Variants in MYO15A observed in about 807,000 individuals in gnomAD.
The protein encoded by MYO15A is unconventional myosin-XV.
Under a neutral mutation model 394.6 loss-of-function variants are expected in MYO15A, and 308 were observed. The ratio of observed to expected loss-of-function variants is 0.78; its 90% confidence interval spans 0.71 to 0.86. The LOEUF (loss-of-function observed/expected upper bound fraction) is 0.86. Among genes scored for constraint, MYO15A ranks in the 40% least tolerant of loss-of-function variants. The pLI, the probability that MYO15A is intolerant of heterozygous loss-of-function variation, is 0.00. For missense variants in MYO15A, 4,606 were observed against 4,799.1 expected (o/e 0.96, Z 1.19); for synonymous variants, 1,957 against 2,003.8 (o/e 0.98, Z 0.62).
At chr17:18,158,415 G>T in intron 51 of MYO15A, 108 bp from the exon 52 acceptor site, 2 of 954,956 alleles carry the variant, frequency 2.1e-6, no homozygotes, top group Non-Finnish European at 1.6e-6. Context: ...TGGGTGGGCG[G>T]CTTGAGAATC....
Position 18,120,268 on chromosome 17 carries a change from AAGG to A in MYO15A, c.1471_1473del (p.Glu491del). The A allele has an allele frequency of 6.2e-7, 1 of 1,611,840 alleles. No homozygotes were observed. Among genetic ancestry groups the A allele is most frequent in the South Asian group, 1.1e-5 (1 of 91,080 alleles). On this transcript the variant is annotated inframe_deletion, in exon 2 of 66. Coordinates refer to ENST00000647165, the MANE Select transcript of MYO15A (RefSeq NM_016239.4). Reference sequence around the variant, plus strand: ...GCGACCCCAGGTGAAGCTGTTTGGGAAGGAGAAGCTGGAGGTGCCCCTGCCACC... The same window carrying A: ...GCGACCCCAGGTGAAGCTGTTTGGGAAGAAGCTGGAGGTGCCCCTGCCACC...
rs754948935 is a variant in MYO15A, at chr17:18,148,034, T to C, written c.6515T>C (p.Val2172Ala). The C allele has an allele frequency of 3.1e-6, 5 of 1,614,110 alleles. No individual in the cohort carries two copies. The highest frequency in any genetic ancestry group is 4.2e-6 in the Non-Finnish European group (5 of 1,180,030). The change falls in exon 31 of 66, where the codon GTG becomes GCG. Residue 2172 changes from valine (V) to alanine (A), a missense_variant. Physicochemically the swap from Val to Ala is moderately conservative, Grantham distance 64. Coordinates refer to ENST00000647165, the MANE Select transcript of MYO15A (RefSeq NM_016239.4). This position sits in a 1 kb window ranked among gnomAD's most constrained non-coding sequence, Gnocchi z 4.8. ...CTCCAACTCCTACCCATCAGGTTTGTGTCTGATTATGGGCGGAATGGCTTC... is the reference window on the plus strand; with the variant it reads ...CTCCAACTCCTACCCATCAGGTTTGCGTCTGATTATGGGCGGAATGGCTTC... ...PCFNKYLLKF[V>A]SDYGRNGFQA...
At chr17:18,129,963 T>C (rs2046122476) in intron 7 of MYO15A, among the ~76,000 whole-genome samples, 1 of 152,222 alleles carries the variant, frequency 6.6e-6, no homozygotes, top group Non-Finnish European at 1.5e-5. Flanking sequence ...CACTGCAATG[T>C]CTGCCTCCCA....
chr17:18,163,778 A>T lies in MYO15A; in HGVS notation c.9727A>T (p.Met3243Leu). The change falls in exon 60 of 66, where the codon ATG (methionine) becomes TTG (leucine). Residue 3243 changes from methionine to leucine, a missense_variant. By Grantham distance (15) the Met-to-Leu change is conservative (BLOSUM62 2). Transcript: ENST00000647165. The stretch of plus-strand genomic sequence containing the variant: ...CGTGGTGGAAGAGATATGTGCTGAG[A>T]TGGCTCTGACACGCCCTGAGGCCTT... ...LDVVEEICAE[M>L]ALTRPEAFNE... The T allele has an allele frequency of 6.2e-7, 1 of 1,614,012 alleles. No individual in the cohort carries two copies. Among genetic ancestry groups the T allele is most frequent in the Non-Finnish European group, 8.5e-7 (1 of 1,179,954 alleles).
intron 51 of MYO15A, chr17:18,158,191 G>A: frequency 3.4e-6 from 2 of 587,952 alleles, no homozygotes; most frequent in African/African-American, 1.9e-5. Flanking sequence ...GCCAGTTGGT[G>A]AAGTCTACTG....
chr17:18,167,605 C>T lies in MYO15A; in HGVS notation c.9964C>T (p.Leu3322=). 6.2e-7 allele frequency: 1 copy of T among 1,603,016 alleles called. No individual in the cohort carries two copies. The highest frequency in any genetic ancestry group is 8.5e-7 in the Non-Finnish European group (1 of 1,179,930). The change falls in exon 62 of 66, where the codon CTG becomes TTG. Residue 3322 remains leucine (L), a synonymous_variant. Transcript: ENST00000647165. ...CTCCCTGCAGGTCCTGCCTGACTAC[C>T]TGAAGGGACTCTTCAGCAGTGTGCC... ...MHYNQVLPDY[L]KGLFSSVPAS... is the part of the protein sequence containing the mutation.
intron 65 of MYO15A, 28 bp downstream of exon 65, chr17:18,173,949 C>T (rs1211476445): frequency 1.2e-6 from 2 of 1,609,040 alleles, no homozygotes; most frequent in Non-Finnish European, 1.7e-6. Context: ...TCCAACATTC[C>T]ACTCACTGGG....
intron 1 of MYO15A, among the ~76,000 whole-genome samples, chr17:18,112,514 G>C (rs922656726): frequency 2.6e-5 from 4 of 152,124 alleles, no homozygotes; most frequent in African/African-American, 9.7e-5. Flanking sequence ...TTCTGCCTCA[G>C]CCACCACACT....
rs577721556 is a variant in MYO15A, at chr17:18,151,269, G to T, written c.7633G>T (p.Asp2545Tyr). 12 of 1,614,160 alleles carry T rather than the reference G, an allele frequency of 7.4e-6. No individual in the cohort carries two copies. The East Asian group carries it at 2.5e-4, about 33-fold the overall frequency. The change falls in exon 39 of 66, where the codon GAT becomes TAT. Residue 2545 changes from aspartate to tyrosine, a missense_variant. Asp to Tyr is a radical substitution (Grantham distance 160, BLOSUM62 -3). Coordinates refer to ENST00000647165, the MANE Select transcript of MYO15A (RefSeq NM_016239.4). ...TGTGGCTGCCCCTGTTCTAGCTCAGGATCAGGCTTCTCCAGAAACCAGTGA... is the reference window on the plus strand; with the variant it reads ...TGTGGCTGCCCCTGTTCTAGCTCAGTATCAGGCTTCTCCAGAAACCAGTGA... The part of the protein sequence containing the change: ...KPVAAPVLAQ[D>Y]QASPETTSPS...
At chr17:18,127,591 G>C (rs888894000) in intron 7 of MYO15A, among the ~76,000 whole-genome samples, 5 of 152,142 alleles carry the variant, frequency 3.3e-5, no homozygotes, top group Admixed American at 6.5e-5. Flanking sequence ...GGGGTGGGGT[G>C]GGGGAGGCAG....
rs1354657076 is a variant in MYO15A, at chr17:18,171,920, T to C, written c.10216+149T>C. ...AGCACCTGCCTGGAGAAAACATGTC[T>C]TTACATTATGGAGATGTCACCTAGG... On this transcript the variant is annotated intron_variant, in intron 63 of 65. Transcript: ENST00000647165. The C allele has an allele frequency of 3.6e-6, 5 of 1,386,770 alleles. No individual in the cohort carries two copies. The Admixed American group carries it at 1.1e-4, about 32-fold the overall frequency. The allele number at this position is 1,386,770 out of a possible 1,614,324, so 85.9% of individuals were successfully genotyped here.
In MYO15A at chr17:18,121,073, C is replaced by T; in HGVS notation, c.2273C>T (p.Pro758Leu). 6.6e-7 allele frequency: 1 copy of T among 1,506,860 alleles called. No individual in the cohort carries two copies. The highest frequency in any genetic ancestry group is 2.6e-5 in the East Asian group (1 of 37,818). The allele number at this position is 1,506,860 out of a possible 1,614,324, so 93.3% of individuals were successfully genotyped here. A position where few individuals can be genotyped will look rare whatever the true frequency, so the allele number is the denominator to read the frequency against. ...CGGAGAGGGGCGGCTTTCGGCTTCC[C>T]CGGGGCCTCTCCACGGGCGTCGCGG... is the stretch of plus-strand genomic sequence containing the variant. Reference protein sequence around the residue: ...SRRRGAAFGFPGASPRASRRR... With the variant: ...SRRRGAAFGFLGASPRASRRR... The change falls in exon 2 of 66, where the codon CCC (proline) becomes CTC (leucine). Residue 758 changes from proline to leucine, a missense_variant. By Grantham distance (98) the Pro-to-Leu change is moderately conservative. Coordinates refer to ENST00000647165, the MANE Select transcript of MYO15A (RefSeq NM_016239.4). The surrounding 1 kb of genome is among the most constrained non-coding windows in gnomAD (Gnocchi z 5.3).
At chr17:18,130,252 T>C (rs1343570253) in intron 7 of MYO15A, among the ~76,000 whole-genome samples, 1 of 151,984 alleles carries the variant, frequency 6.6e-6, no homozygotes, top group East Asian at 1.9e-4. Flanking sequence ...GTGTAGACGC[T>C]GGGGACTCAG....
chr17:18,141,912 A>T, intron 23 of MYO15A, 142 bp downstream of exon 23: 1 of 1,190,246 alleles, frequency 8.4e-7, no homozygotes, highest in South Asian at 1.2e-5. Flanking sequence ...TAACTACCTG[A>T]TTCACCAGCA....
intron 19 of MYO15A, 67 bp downstream of exon 19, chr17:18,139,678 C>T (rs2046344480): frequency 6.4e-7 from 1 of 1,565,048 alleles, no homozygotes. Context: ...ACCCAGCCTG[C>T]CTTCAGGCCT....
rs762048139 is a variant in MYO15A, at chr17:18,122,155, C to T, written c.3355C>T (p.Pro1119Ser). The T allele has an allele frequency of 1.2e-6, 2 of 1,613,040 alleles. No homozygotes were observed. The highest frequency in any genetic ancestry group is 8.5e-7 in the Non-Finnish European group (1 of 1,179,996). ...CCCTGGGCGTTTTGCTGTGGTCATG[C>T]CTCGTGTGCAGAAGCTGAGCTCTTT... ...AAPGRFAVVMPRVQKLSSFQR... is the reference protein window; with the variant it reads ...AAPGRFAVVMSRVQKLSSFQR... Residue 1119 changes from proline to serine, a missense_variant, in exon 2 of 66, where the codon CCT becomes TCT. Pro to Ser is a moderately conservative substitution (Grantham distance 74). Around this residue, in one of 2 missense-constraint regions of MYO15A, gnomAD observed 1,830 missense variants for 1,689.7 expected, o/e 1.08. Transcript: ENST00000647165.
intron 28 of MYO15A, 67 bp from the exon 29 acceptor site, chr17:18,144,430 G>C: frequency 2.2e-6 from 3 of 1,391,592 alleles, no homozygotes; most frequent in Non-Finnish European, 3.0e-6. Flanking sequence ...ATGTGGCACA[G>C]AGCAGTGGGT....
intron 6 of MYO15A, 102 bp from the exon 7 acceptor site, chr17:18,126,973 G>A: frequency 6.3e-7 from 1 of 1,595,728 alleles, no homozygotes; most frequent in Admixed American, 1.7e-5. Flanking sequence ...GTACCTCTGG[G>A]TTGGCCCACC....
rs896567180 is a variant in MYO15A, at chr17:18,175,099, A to G, written c.10491+1178A>G. Among the ~76,000 whole-genome samples, 5 of 106,118 alleles carry G rather than the reference A, an allele frequency of 4.7e-5. No homozygotes were observed. In the South Asian group the frequency reaches 1.1e-3, roughly 24 times the overall value. The allele number at this position is 106,118 out of a possible 152,430, so 69.6% of individuals were successfully genotyped here. On this transcript the variant is annotated intron_variant, in intron 65 of 65. Coordinates refer to ENST00000647165, the MANE Select transcript of MYO15A (RefSeq NM_016239.4). ...CTACCTCTTTTTTTTTTTTTTTTTCAGTAGAGACAGGGTCTTGCTATGTTG... is the reference window on the plus strand; with the variant it reads ...CTACCTCTTTTTTTTTTTTTTTTTCGGTAGAGACAGGGTCTTGCTATGTTG...
Sources: gnomAD v4.1 joint callset for allele counts (sites outside exome capture counted in the v4.1 genomes callset) on GRCh38, gnomAD v4.1.1 for gene constraint, gnomAD v4.1.1 regional missense constraint, Gnocchi (gnomAD v3.1) non-coding constraint, MANE v1.5 for transcripts, NCBI Gene and HGNC (gene_info 2026-07-23, HGNC 2026-07-21) for gene names.